Variants in ACSL1 observed in about 807,000 individuals in gnomAD.
ACSL1 encodes acyl-CoA synthetase long chain family member 1, also known as long-chain-fatty-acid--CoA ligase 1.
ACSL1 carries 41 observed loss-of-function variants against 98.4 expected under a neutral mutation model. That is an observed-to-expected ratio of 0.42 (90% CI 0.32 to 0.54). The LOEUF is 0.54. Ranked by LOEUF, ACSL1 falls within the 20% of genes least tolerant of loss-of-function variation. ACSL1 has a pLI of 0.13. For missense variants in ACSL1, 734 were observed against 883.1 expected, an observed-to-expected ratio of 0.83 and a Z score of 2.14; for synonymous variants, 316 against 322.7, an observed-to-expected ratio of 0.98 and a Z score of 0.22.
intron 16 of ACSL1, 56 bp downstream of exon 16, chr4:184,763,111 G>A (rs1763082877): frequency 6.3e-7 from 1 of 1,575,140 alleles, no homozygotes; most frequent in African/African-American, 1.4e-5. Flanking sequence ...CATTCGCAAA[G>A]GCCAGCGATC....
chr4:184,791,591 C>CCAGCAGGGAAGTTTT (rs1289018776), intron 2 of ACSL1, among the ~76,000 whole-genome samples: 1 of 152,134 alleles, frequency 6.6e-6, no homozygotes, highest in Non-Finnish European at 1.5e-5. Flanking sequence ...CAGCAGGTTT[C>CCAGCAGGGAAGTTTT]CAGCAGGGAA....
intron 10 of ACSL1, among the ~76,000 whole-genome samples, chr4:184,772,810 C>T (rs1407603343): frequency 6.6e-6 from 1 of 152,168 alleles, no homozygotes; most frequent in East Asian, 1.9e-4. Flanking sequence ...GTTTCTAGGG[C>T]AATATCCAAA....
Position 184,773,875 on chromosome 4 carries a change from C to A in ACSL1, c.757G>T (p.Asp253Tyr). 6.2e-7 allele frequency: 1 copy of A among 1,613,826 alleles called. No individual in the cohort carries two copies. The highest frequency in any genetic ancestry group is 8.5e-7 in the Non-Finnish European group (1 of 1,179,828). ...VEVTSMKAME[D>Y]LGRANRRKPK... Reference sequence around the variant, plus strand: ...TTCCGTCTGTTGGCTCTTCCCAGGTCCTTAATTAGAAGAGAAAAAAAGTCT... The same window carrying A: ...TTCCGTCTGTTGGCTCTTCCCAGGTACTTAATTAGAAGAGAAAAAAAGTCT... Residue 253 changes from aspartate to tyrosine, a missense_variant and splice_region_variant, in exon 8 of 21, where the codon GAC becomes TAC. Asp to Tyr is a radical substitution (Grantham distance 160, BLOSUM62 -3). Transcript: ENST00000281455. The surrounding 1 kb of genome is among the most constrained non-coding windows in gnomAD (Gnocchi z 4.3).
Position 184,757,205 on chromosome 4 carries a change from T to C in ACSL1, c.2017A>G (p.Thr673Ala). 6.2e-7 allele frequency: 1 copy of C among 1,610,666 alleles called. No homozygotes were observed. The highest frequency in any genetic ancestry group is 8.5e-7 in the Non-Finnish European group (1 of 1,177,020). ...FSIDNGLLTP[T>A]MKAKRPELRN... Reference sequence around the variant, plus strand: ...AGCTCTGGCCTTTTCGCCTTCATTGTTGGAGTCAGAAGGCCATTGTCGATA... The same window carrying C: ...AGCTCTGGCCTTTTCGCCTTCATTGCTGGAGTCAGAAGGCCATTGTCGATA... The change falls in exon 21 of 21, where the codon ACA becomes GCA. Residue 673 changes from threonine (T) to alanine (A), a missense_variant. Coordinates refer to ENST00000281455, the MANE Select transcript of ACSL1 (RefSeq NM_001995.5). This position sits in a 1 kb window ranked among gnomAD's most constrained non-coding sequence, Gnocchi z 4.5.
chr4:184,810,302 G>T (rs1771919526), intron 1 of ACSL1, among the ~76,000 whole-genome samples: 1 of 152,222 alleles, frequency 6.6e-6, no homozygotes, highest in South Asian at 2.1e-4. Flanking sequence ...TCAGGACAAG[G>T]TGCCCTCTCT....
intron 7 of ACSL1, among the ~76,000 whole-genome samples, chr4:184,774,908 A>C (rs1268142547): frequency 6.6e-6 from 1 of 152,234 alleles, no homozygotes; most frequent in Non-Finnish European, 1.5e-5. Flanking sequence ...ATAATTCTGT[A>C]CATTTTTTTC....
At position 184,757,978 on chromosome 4, in the gene ACSL1, GTTCT is replaced by G. The variant is rs527639086; in HGVS notation, c.1783-62_1783-59del. On this transcript the variant is annotated intron_variant, in intron 18 of 20. Coordinates refer to ENST00000281455, the MANE Select transcript of ACSL1 (RefSeq NM_001995.5). The surrounding 1 kb of genome is among the most constrained non-coding windows in gnomAD (Gnocchi z 4.5). ...TTGATCCAAATGCTCTAAAATAGTG[GTTCT>G]TTATTTTTCCATCTTGTGGCCCCCT... is the stretch of plus-strand genomic sequence containing the variant. The G allele has an allele frequency of 3.8e-4, 575 of 1,528,568 alleles. 3 individuals carry two copies. In the African/African-American group the frequency reaches 4.8e-3, roughly 13 times the overall value. 94.7% of individuals were successfully genotyped at this position (1,528,568 alleles called of 1,614,324 possible).
chr4:184,760,575 C>T (rs1425466704), intron 17 of ACSL1, 75 bp from the exon 18 acceptor site: 4 of 1,569,656 alleles, frequency 2.5e-6, no homozygotes, highest in South Asian at 1.2e-5. Context: ...CAGTACAACA[C>T]TGAAAGGTAT....
At chr4:184,763,100 G>GC in intron 16 of ACSL1, 67 bp downstream of exon 16, 1 of 1,516,984 alleles carries the variant, frequency 6.6e-7, no homozygotes, top group Non-Finnish European at 9.1e-7. Context: ...AAATACCACA[G>GC]CATTCGCAAA....
chr4:184,791,796 A>G (rs1768418737), intron 2 of ACSL1, among the ~76,000 whole-genome samples: 1 of 152,160 alleles, frequency 6.6e-6, no homozygotes, highest in Admixed American at 6.5e-5. Flanking sequence ...CAGGAACAGG[A>G]TTTAACAGGT....
At chr4:184,785,690 T>C (rs560303037) in intron 3 of ACSL1, among the ~76,000 whole-genome samples, 1 of 144,988 alleles carries the variant, frequency 6.9e-6, no homozygotes, top group Admixed American at 7.2e-5. Context: ...CTGGACATAC[T>C]TTCCTTCACC....
intron 2 of ACSL1, 24 bp from the exon 3 acceptor site, chr4:184,788,755 G>A (rs370519940): frequency 1.3e-6 from 2 of 1,594,934 alleles, no homozygotes; most frequent in Non-Finnish European, 1.7e-6. Flanking sequence ...AAGGGGGGCA[G>A]GTTAGAAGGC....
rs1762172345 is a variant in ACSL1 at position 184,756,808 on chromosome 4, G to A, written c.*317C>T. ...AACCCCTTGATTAGAGAAACAGGGA[G>A]ACAGAAGATTTAAAACCCACTTTTT... On this transcript the variant is annotated 3_prime_UTR_variant, in exon 21 of 21. Transcript: ENST00000281455. 1 of 211,780 alleles carries A rather than the reference G, an allele frequency of 4.7e-6. No homozygotes were observed. 13.1% of individuals were successfully genotyped at this position (211,780 alleles called of 1,614,324 possible). A position where few individuals can be genotyped will look rare whatever the true frequency, so the allele number is the denominator to read the frequency against.
chr4:184,775,831 A>G (rs998155505), intron 7 of ACSL1, among the ~76,000 whole-genome samples: 1 of 152,252 alleles, frequency 6.6e-6, no homozygotes, highest in Non-Finnish European at 1.5e-5. Flanking sequence ...TATGATATGT[A>G]TATGAAAAGA....
At chr4:184,768,269 C>T (rs1763931212) in intron 12 of ACSL1, 47 bp downstream of exon 12, 6 of 1,568,822 alleles carry the variant, frequency 3.8e-6, no homozygotes, top group Non-Finnish European at 4.3e-6. Context: ...CAAGCCCCTG[C>T]GTCCAAGTCA....
intron 1 of ACSL1, among the ~76,000 whole-genome samples, chr4:184,814,278 G>A (rs939858376): frequency 1.7e-4 from 20 of 119,800 alleles, no homozygotes; most frequent in African/African-American, 6.3e-5. Flanking sequence ...GCGACAGAGC[G>A]AGACTCCGCC....
intron 2 of ACSL1, among the ~76,000 whole-genome samples, chr4:184,791,666 G>A (rs902972468): frequency 1.3e-5 from 2 of 152,160 alleles, no homozygotes; most frequent in African/African-American, 4.8e-5. Context: ...AGAAGCGTAA[G>A]CAGTGTGTGG....
At chr4:184,783,818 C>A (rs2150359669) in intron 4 of ACSL1, 109 bp downstream of exon 4, 1 of 1,004,458 alleles carries the variant, frequency 1.0e-6, no homozygotes, top group Non-Finnish European at 1.5e-6. Flanking sequence ...AGGCTCTGAG[C>A]TGGTCCAGCA....
chr4:184,758,065 C>T (rs1025868302), intron 18 of ACSL1, 145 bp from the exon 19 acceptor site: 4 of 712,846 alleles, frequency 5.6e-6, no homozygotes, highest in East Asian at 5.4e-5. Flanking sequence ...CCCCCTCCCC[C>T]AGGAGTTCAC....
Sources: allele counts gnomAD v4.1 joint callset (sites outside exome capture counted in the v4.1 genomes callset), GRCh38; gene constraint gnomAD v4.1.1; non-coding constraint Gnocchi (gnomAD v3.1); transcripts MANE v1.5; gene names NCBI Gene and HGNC (gene_info 2026-07-23, HGNC 2026-07-21).